MYMK: variants seen among roughly 807,000 people sequenced by gnomAD.
MYMK encodes the protein protein myomaker.
In MYMK, 16 loss-of-function variants were observed where a neutral mutation model predicts 22.4. The observed-to-expected ratio is 0.72, with a 90% CI of 0.48 to 1.09. The LOEUF is 1.09. Among genes scored for constraint, MYMK ranks in the 50% least tolerant of loss-of-function variants. MYMK has a pLI of 0.00. For synonymous variants in MYMK, 125 were observed against 127.0 expected (o/e 0.98, Z 0.11); for missense variants, 250 against 295.6 (o/e 0.85, Z 1.13).
chr9:133,518,156 G>A (rs563499203), intron 3 of MYMK, among the ~76,000 whole-genome samples: 2 of 152,328 alleles, frequency 1.3e-5, no homozygotes, highest in East Asian at 1.9e-4. Context: ...CCCAGGAGAT[G>A]CCCCGGGTCT....
At chr9:133,518,290 C>T (rs569860340) in intron 3 of MYMK, among the ~76,000 whole-genome samples, 4 of 152,288 alleles carry the variant, frequency 2.6e-5, no homozygotes, top group South Asian at 2.1e-4. Context: ...GGCCTTGCTG[C>T]TCTGCAAGGG....
Position 133,524,723 on chromosome 9 carries a change from A to G in MYMK, c.122T>C (p.Leu41Pro). 10 of 1,614,158 alleles carry G rather than the reference A, an allele frequency of 6.2e-6. No individual in the cohort carries two copies. The highest frequency in any genetic ancestry group is 7.6e-6 in the Non-Finnish European group (9 of 1,180,016). The change falls in exon 1 of 5, where the codon CTG becomes CCG. Residue 41 changes from leucine (L) to proline (P), a missense_variant. Coordinates refer to ENST00000339996, the MANE Select transcript of MYMK (RefSeq NM_001080483.3). ...HMEAMVYLFT[L>P]FFVALHHACN... The stretch of plus-strand genomic sequence containing the variant: ...CCCCAGACTCACCGCCACGAAGAAC[A>G]GGGTGAAGAGGTAGACCATGGCCTC...
chr9:133,522,343 C>CGGT lies in MYMK; in HGVS notation c.136-2056_136-2055insACC, dbSNP rs1554808691. On this transcript the variant is annotated intron_variant, in intron 1 of 4. Transcript: ENST00000339996. ...AGTGGGGGCTCAGGTGAGTGGCTGT[C>CGGT]GGGGGGGGGCCTCCTCTGTTGTGTG... 6.6e-3 allele frequency among the ~76,000 whole-genome samples: 929 copies of CGGT among 140,154 alleles called. 13 individuals carry two copies. Among genetic ancestry groups the CGGT allele is most frequent in the Non-Finnish European group, 9.3e-3 (604 of 64,918 alleles). The allele number at this position is 140,154 out of a possible 152,430, so 91.9% of individuals were successfully genotyped here.
At chr9:133,518,836 C>G in intron 3 of MYMK, 38 bp downstream of exon 3, 1 of 1,587,454 alleles carries the variant, frequency 6.3e-7, no homozygotes, top group Non-Finnish European at 8.6e-7. Flanking sequence ...TGACGGGCCT[C>G]CTGGGTCCCC....
intron 3 of MYMK, among the ~76,000 whole-genome samples, chr9:133,516,521 A>G (rs949616219): frequency 6.6e-6 from 1 of 152,190 alleles, no homozygotes; most frequent in African/African-American, 2.4e-5. Flanking sequence ...CCATAACTGC[A>G]CCCATTGCTG....
intron 4 of MYMK, 87 bp from the exon 5 acceptor site, chr9:133,514,872 C>A: frequency 6.9e-7 from 1 of 1,446,746 alleles, no homozygotes; most frequent in Non-Finnish European, 9.3e-7. Context: ...CCCTTCAGGC[C>A]CCCGCCTCTG....
intron 3 of MYMK, among the ~76,000 whole-genome samples, chr9:133,516,492 TGG>T (rs1299177397): frequency 4.6e-5 from 7 of 152,170 alleles, no homozygotes. Flanking sequence ...CACAAGCCCC[TGG>T]GGGTGGGGGC....
In MYMK at chr9:133,515,014, C is replaced by T. The variant is rs2131066972; in HGVS notation, c.517-229G>A. Among the ~76,000 whole-genome samples the T allele has an allele frequency of 6.6e-6, 1 of 152,238 alleles. No homozygotes were observed. The highest frequency in any genetic ancestry group is 6.5e-5 in the Admixed American group (1 of 15,300). On this transcript the variant is annotated intron_variant, in intron 4 of 4. Coordinates refer to ENST00000339996, the MANE Select transcript of MYMK (RefSeq NM_001080483.3). This position sits in a 1 kb window ranked among gnomAD's most constrained non-coding sequence, Gnocchi z 5.8. ...CTGCACTCCTTCCTTCTTCCCCATCCCCTCTCTCTGCTGTCCTTCTCTTCC... is the reference window on the plus strand; with the variant it reads ...CTGCACTCCTTCCTTCTTCCCCATCTCCTCTCTCTGCTGTCCTTCTCTTCC...
At chr9:133,519,719 G>A (rs1391405246) in intron 2 of MYMK, among the ~76,000 whole-genome samples, 1 of 151,966 alleles carries the variant, frequency 6.6e-6, no homozygotes, top group Non-Finnish European at 1.5e-5. Context: ...ACAGACAACA[G>A]TTACGTGGAA....
intron 4 of MYMK, 132 bp from the exon 5 acceptor site, chr9:133,514,917 C>T (rs868486916): frequency 2.8e-5 from 28 of 992,044 alleles, no homozygotes; most frequent in South Asian, 2.2e-4. Context: ...AAGCCTCCCC[C>T]ACGGTCGCGC....
intron 3 of MYMK, among the ~76,000 whole-genome samples, chr9:133,516,498 TG>T: frequency 1.3e-5 from 2 of 152,146 alleles, no homozygotes; most frequent in South Asian, 4.2e-4. Flanking sequence ...CCCCTGGGGG[TG>T]GGGGCAGCAC....
At chr9:133,514,896 A>G (rs1318050913) in intron 4 of MYMK, 111 bp from the exon 5 acceptor site, 2 of 1,247,638 alleles carry the variant, frequency 1.6e-6, no homozygotes, top group East Asian at 5.0e-5. Flanking sequence ...GGGCACTGGG[A>G]CACCTGCAGG....
In MYMK at chr9:133,521,087, C is replaced by T. The variant is rs1844697972; in HGVS notation, c.136-799G>A. Among the ~76,000 whole-genome samples, 2 of 152,140 alleles carry T rather than the reference C, an allele frequency of 1.3e-5. 1 individual carries two copies. Among genetic ancestry groups the T allele is most frequent in the South Asian group, 4.1e-4 (2 of 4,820 alleles). On this transcript the variant is annotated intron_variant, in intron 1 of 4. Coordinates refer to ENST00000339996, the MANE Select transcript of MYMK (RefSeq NM_001080483.3). ...GAAGCTGAACACAGCCCCCTAGGCT[C>T]ATCCATCTCTGCCCTATACTCTCGT...
chr9:133,516,444 A>G (rs890922517), intron 3 of MYMK, among the ~76,000 whole-genome samples: 55 of 152,202 alleles, frequency 3.6e-4, no homozygotes, highest in African/African-American at 1.3e-3. Flanking sequence ...GAGGCTATAG[A>G]TTTCAGTGGA....
rs1455960756 is a variant in MYMK, at chr9:133,514,650, A to ACT, written c.651_652insAG (p.Cys218SerfsTer?). On this transcript the variant is annotated frameshift_variant, in exon 5 of 5. Transcript: ENST00000339996. LOFTEE classifies it high-confidence loss of function. ...TGGGCGCAGCATCAGACACAAGCAC[A>ACT]GCACAGGGTGGAGCAGTCCAGCTTG... 3 of 1,613,464 alleles carry ACT rather than the reference A, an allele frequency of 1.9e-6. No homozygotes were observed. The highest frequency in any genetic ancestry group is 2.7e-5 in the African/African-American group (2 of 74,922).
At chr9:133,522,272 G>A (rs1022576480) in intron 1 of MYMK, among the ~76,000 whole-genome samples, 2 of 151,972 alleles carry the variant, frequency 1.3e-5, no homozygotes, top group African/African-American at 4.8e-5. Context: ...GAGGGCCTGG[G>A]GGGTCAGAGC....
In MYMK at chr9:133,518,796, C is replaced by T. The variant is rs1037447762; in HGVS notation, c.399+78G>A. 1.4e-5 allele frequency: 22 copies of T among 1,534,632 alleles called. No individual in the cohort carries two copies. In the Admixed American group the frequency reaches 2.1e-4, roughly 14 times the overall value. ...TGAGGGCAGGAGGTAAATGAAGATC[C>T]GAGGCAGGAGGAGTCAGACAGGGGA... is the stretch of plus-strand genomic sequence containing the variant. On this transcript the variant is annotated intron_variant, in intron 3 of 4. Transcript: ENST00000339996.
intron 3 of MYMK, among the ~76,000 whole-genome samples, chr9:133,516,694 C>T (rs1247169317): frequency 2.0e-5 from 3 of 152,212 alleles, no homozygotes; most frequent in East Asian, 1.9e-4. Context: ...ACAGCTGGAC[C>T]GTGTGACCCT....
At chr9:133,519,361 G>A (rs544720159) in intron 2 of MYMK, among the ~76,000 whole-genome samples, 1 of 152,282 alleles carries the variant, frequency 6.6e-6, no homozygotes, top group Admixed American at 6.5e-5. Context: ...GAGACCAGGA[G>A]TTCAAGACTA....
Sources: gnomAD v4.1 joint callset for allele counts (sites outside exome capture counted in the v4.1 genomes callset) on GRCh38, gnomAD v4.1.1 for gene constraint, Gnocchi (gnomAD v3.1) non-coding constraint, MANE v1.5 for transcripts, NCBI Gene and HGNC (gene_info 2026-07-23, HGNC 2026-07-21) for gene names.